The following HMCN2 variants were observed in gnomAD, a reference collection of about 807,000 sequenced individuals.
The protein encoded by HMCN2 is hemicentin 2, also known as hemicentin-2.
HMCN2 carries 325 observed loss-of-function variants against 377.5 expected under a neutral mutation model. That is an observed-to-expected ratio of 0.86 (90% CI 0.79 to 0.94). The LOEUF is 0.94. Among genes scored for constraint, HMCN2 ranks in the 40% least tolerant of loss-of-function variants. The pLI, the probability that HMCN2 is intolerant of heterozygous loss-of-function variation, is 0.00. For synonymous variants in HMCN2, 2,007 were observed against 2,046.8 expected (o/e 0.98, Z 0.53); for missense variants, 4,543 against 4,725.3 (o/e 0.96, Z 1.13).
intron 1 of HMCN2, among the ~76,000 whole-genome samples, chr9:130,266,878 G>C (rs1414806788): frequency 1.3e-5 from 2 of 152,192 alleles, no homozygotes; most frequent in Admixed American, 6.5e-5. Flanking sequence ...CCACTGTAGA[G>C]AGTCCCAGGG....
In HMCN2 at chr9:130,433,719, C is replaced by T; in HGVS notation, c.*26C>T. ...ACGGGAGAGGGCATTGGCGGCCGCC[C>T]TGGCGTGACCCCCGAGGAAGGGGTC... On this transcript the variant is annotated 3_prime_UTR_variant, in exon 98 of 98. Coordinates refer to ENST00000683500, the MANE Select transcript of HMCN2 (RefSeq NM_001291815.2). 1 of 1,416,490 alleles carries T rather than the reference C, an allele frequency of 7.1e-7. No homozygotes were observed. Among genetic ancestry groups the T allele is most frequent in the Non-Finnish European group, 9.2e-7 (1 of 1,083,466 alleles). The allele number at this position is 1,416,490 out of a possible 1,614,324, so 87.7% of individuals were successfully genotyped here.
intron 1 of HMCN2, among the ~76,000 whole-genome samples, chr9:130,273,786 C>T (rs1834530687): frequency 6.6e-6 from 1 of 152,244 alleles, no homozygotes; most frequent in African/African-American, 2.4e-5. Context: ...GCGTGCGCCT[C>T]CGCGCCCGGC....
chr9:130,424,794 T>G lies in HMCN2; in HGVS notation c.13400T>G (p.Leu4467Arg), dbSNP rs1308163279. The change falls in exon 88 of 98, where the codon CTC becomes CGC. Residue 4467 changes from leucine to arginine, a missense_variant. Leu to Arg is a moderately radical substitution (Grantham distance 102). Transcript: ENST00000683500. ...PANVGPLMRV[L>R]VVTIAPIYWA... ...CACCCAGGGCCTCTGATGCGGGTGC[T>G]CGTGGTCACCATCGCCCCCATCTAC... is the stretch of plus-strand genomic sequence containing the variant. The G allele has an allele frequency of 1.0e-5, 16 of 1,540,458 alleles. No individual in the cohort carries two copies. Among genetic ancestry groups the G allele is most frequent in the Admixed American group, 4.0e-5 (2 of 49,720 alleles).
intron 94 of HMCN2, chr9:130,429,937 TC>T: frequency 7.4e-6 from 5 of 674,028 alleles, no homozygotes; most frequent in Non-Finnish European, 1.2e-5. Context: ...GGGGTCATCT[TC>T]CGGGGAATTT....
At position 130,374,632 on chromosome 9, in the gene HMCN2, C is replaced by T; in HGVS notation, c.7569C>T (p.Tyr2523=). 2 of 985,810 alleles carry T rather than the reference C, an allele frequency of 2.0e-6. No homozygotes were observed. The highest frequency in any genetic ancestry group is 2.4e-6 in the Non-Finnish European group (2 of 829,946). 61.1% of individuals were successfully genotyped at this position (985,810 alleles called of 1,614,324 possible). A position where few individuals can be genotyped will look rare whatever the true frequency, so the allele number is the denominator to read the frequency against. ...CAAACCTGTCCAGTGCTGGCCACTA[C>T]TCCTGCATTGCAGCCAACGCTGTTG... is the stretch of plus-strand genomic sequence containing the variant. The part of the protein sequence containing the change: ...LQANLSSAGH[Y]SCIAANAVGE... The change falls in exon 49 of 98, where the codon TAC becomes TAT. Residue 2523 remains tyrosine (Y), a synonymous_variant. Transcript: ENST00000683500.
intron 22 of HMCN2, among the ~76,000 whole-genome samples, chr9:130,334,719 CTCTT>C (rs1333793635): frequency 2.6e-5 from 3 of 113,400 alleles, no homozygotes; most frequent in African/African-American, 5.5e-5. Flanking sequence ...CTCTCTCTCT[CTCTT>C]CTCTCTTTCT....
intron 85 of HMCN2, among the ~76,000 whole-genome samples, chr9:130,416,353 C>T (rs1213093412): frequency 1.3e-5 from 2 of 152,160 alleles, no homozygotes; most frequent in Non-Finnish European, 2.9e-5. Flanking sequence ...GATCCACCCG[C>T]CTCGGCCTCC....
intron 79 of HMCN2, 38 bp from the exon 80 acceptor site, chr9:130,403,703 C>T (rs1267972860): frequency 7.8e-7 from 1 of 1,284,802 alleles, no homozygotes; most frequent in Non-Finnish European, 1.0e-6. Flanking sequence ...TCCCCAGTCC[C>T]AGTTCCCAGG....
In HMCN2 at chr9:130,368,422, C is replaced by T. The variant is rs1840815811; in HGVS notation, c.6772C>T (p.Gln2258Ter). The change falls in exon 44 of 98, where the codon CAG becomes TAG. Residue 2258 changes from glutamine to a stop codon, truncating the protein, a stop_gained. Transcript: ENST00000683500. LOFTEE classifies it high-confidence loss of function. ...NVVGNSSQDL[Q>*]LEVHVPPQIA... is the part of the protein sequence containing the mutation. ...GGTGGGGAACAGCAGCCAGGACCTG[C>T]AGCTGGAGGTGCACGGTGGGTGAGC... The T allele has an allele frequency of 2.0e-6, 2 of 986,058 alleles. No individual in the cohort carries two copies. Among genetic ancestry groups the T allele is most frequent in the Middle Eastern group, 5.1e-4 (1 of 1,946 alleles). The allele number at this position is 986,058 out of a possible 1,614,324, so 61.1% of individuals were successfully genotyped here. A position where few individuals can be genotyped will look rare whatever the true frequency, so the allele number is the denominator to read the frequency against.
chr9:130,362,732 G>A, intron 39 of HMCN2, 135 bp from the exon 40 acceptor site: 2 of 615,914 alleles, frequency 3.2e-6, no homozygotes, highest in Non-Finnish European at 4.1e-6. Context: ...CCTGCATCAT[G>A]AGGGGCTCTG....
intron 48 of HMCN2, among the ~76,000 whole-genome samples, 156 bp from the exon 49 acceptor site, chr9:130,374,346 G>A (rs1487004576): frequency 6.6e-6 from 1 of 152,240 alleles, no homozygotes; most frequent in African/African-American, 2.4e-5. Context: ...CACAGAGGAA[G>A]GGGCACAGGC....
chr9:130,270,901 CT>C, intron 1 of HMCN2, among the ~76,000 whole-genome samples: 1 of 148,784 alleles, frequency 6.7e-6, no homozygotes, highest in Middle Eastern at 3.5e-3. Context: ...CTTTAATGCC[CT>C]TTTTCTGCTC....
chr9:130,351,566 T>A lies in HMCN2; in HGVS notation c.4574T>A (p.Leu1525His). Residue 1525 changes from leucine (L) to histidine (H), a missense_variant, in exon 30 of 98, where the codon CTC (leucine) becomes CAC (histidine). Transcript: ENST00000683500. This position sits in a 1 kb window ranked among gnomAD's most constrained non-coding sequence, Gnocchi z 5.4. ...PAGQQARDFQ[L>H]RVHAPPTIWG... ...GGTCAGCAGGCCAGGGACTTCCAGC[T>A]CCGAGTTCATGGTGAGCCCCCACGC... is the stretch of plus-strand genomic sequence containing the variant. 1 of 1,303,052 alleles carries A rather than the reference T, an allele frequency of 7.7e-7. No individual in the cohort carries two copies. Among genetic ancestry groups the A allele is most frequent in the Non-Finnish European group, 1.0e-6 (1 of 988,212 alleles). 80.7% of individuals were successfully genotyped at this position (1,303,052 alleles called of 1,614,324 possible). A position where few individuals can be genotyped will look rare whatever the true frequency, so the allele number is the denominator to read the frequency against.
rs191317973 is a variant in HMCN2, at chr9:130,354,720, C to T, written c.4865-43C>T. The stretch of plus-strand genomic sequence containing the variant: ...TTGGGCTGAGATGAGAGCAGGCTAG[C>T]GTCCAGCTGTGGTCCCCAAGCCGCC... On this transcript the variant is annotated intron_variant, in intron 31 of 97. Coordinates refer to ENST00000683500, the MANE Select transcript of HMCN2 (RefSeq NM_001291815.2). 1.3e-4 allele frequency: 168 copies of T among 1,255,530 alleles called. 1 individual carries two copies. In the African/African-American group the frequency reaches 1.8e-3, roughly 13 times the overall value. 77.8% of individuals were successfully genotyped at this position (1,255,530 alleles called of 1,614,324 possible).
chr9:130,384,585 G>A, intron 58 of HMCN2, 51 bp downstream of exon 58: 4 of 1,301,374 alleles, frequency 3.1e-6, no homozygotes, highest in Non-Finnish European at 4.1e-6. Context: ...TGGGGAGAGA[G>A]TTGCTCCCCC....
intron 15 of HMCN2, among the ~76,000 whole-genome samples, chr9:130,318,430 C>T (rs1837682461): frequency 1.3e-5 from 2 of 152,152 alleles, no homozygotes; most frequent in Admixed American, 6.5e-5. Context: ...GAGGGAAGGA[C>T]CTGGACCCAC....
chr9:130,403,665 G>T, intron 79 of HMCN2, 76 bp from the exon 80 acceptor site: 1 of 1,246,770 alleles, frequency 8.0e-7, no homozygotes, highest in South Asian at 1.3e-5. Context: ...CTGTGAGACA[G>T]AATAGCCCAA....
intron 1 of HMCN2, among the ~76,000 whole-genome samples, chr9:130,270,296 T>A (rs1463115671): frequency 2.2e-5 from 1 of 45,296 alleles, no homozygotes; most frequent in Admixed American, 2.4e-4. Context: ...TGTTTGTTTG[T>A]TTTTTTTTTT....
intron 71 of HMCN2, 105 bp from the exon 72 acceptor site, chr9:130,395,819 C>T: frequency 8.7e-7 from 1 of 1,149,146 alleles, no homozygotes; most frequent in Non-Finnish European, 1.1e-6. Flanking sequence ...AGTACAGAGC[C>T]ACTGTCCAGC....
Sources: gnomAD v4.1 joint callset for allele counts (sites outside exome capture counted in the v4.1 genomes callset) on GRCh38, gnomAD v4.1.1 for gene constraint, Gnocchi (gnomAD v3.1) non-coding constraint, MANE v1.5 for transcripts, NCBI Gene and HGNC (gene_info 2026-07-23, HGNC 2026-07-21) for gene names.